Variants in ZSCAN22 observed in about 807,000 individuals in gnomAD.
ZSCAN22 encodes zinc finger and SCAN domain-containing protein 22.
A neutral mutation model predicts 12.4 loss-of-function variants in ZSCAN22; 7 were observed. The observed-to-expected ratio is 0.57, with a 90% CI of 0.32 to 1.06. The LOEUF is 1.06. ZSCAN22 is among the 50% of genes least tolerant of loss of function. The pLI, the probability that ZSCAN22 is intolerant of heterozygous loss-of-function variation, is 0.04. For missense variants in ZSCAN22, 576 were observed against 631.7 expected (o/e 0.91, Z 0.94); for synonymous variants, 243 against 255.9 (o/e 0.95, Z 0.48).
intron 1 of ZSCAN22, among the ~76,000 whole-genome samples, chr19:58,328,207 G>A (rs529435995): frequency 6.6e-6 from 1 of 152,198 alleles, no homozygotes; most frequent in African/African-American, 2.4e-5. Flanking sequence ...CTGTGTCTGG[G>A]TATTTTGAAG....
At chr19:58,336,096 A>G (rs1350406504) in intron 2 of ZSCAN22, among the ~76,000 whole-genome samples, 4 of 152,182 alleles carry the variant, frequency 2.6e-5, no homozygotes. Flanking sequence ...ATCAAGGCTC[A>G]GTAGATCCAA....
intron 1 of ZSCAN22, among the ~76,000 whole-genome samples, 158 bp downstream of exon 1, chr19:58,327,272 C>T (rs190926622): frequency 6.6e-6 from 1 of 152,178 alleles, no homozygotes; most frequent in South Asian, 2.1e-4. Flanking sequence ...AGACGGACTG[C>T]GAGTGCCGGA....
At position 58,335,872 on chromosome 19, in the gene ZSCAN22, A is replaced by G. The variant is rs977471726; in HGVS notation, c.403+667A>G. ...GCCCCAGGCTCAGCTGGGCACTGTT[A>G]CTCACAGAGACCCACACAAACATCC... On this transcript the variant is annotated intron_variant, in intron 2 of 2. Transcript: ENST00000329665. The surrounding 1 kb of genome is among the most constrained non-coding windows in gnomAD (Gnocchi z 4.1). 2.6e-5 allele frequency among the ~76,000 whole-genome samples: 4 copies of G among 152,130 alleles called. No homozygotes were observed. The highest frequency in any genetic ancestry group is 1.3e-4 in the Admixed American group (2 of 15,276).
Position 58,335,881 on chromosome 19 carries a change from G to A in ZSCAN22, c.403+676G>A, listed in dbSNP as rs1238936666. 6.6e-6 allele frequency among the ~76,000 whole-genome samples: 1 copy of A among 152,234 alleles called. No homozygotes were observed. Among genetic ancestry groups the A allele is most frequent in the Non-Finnish European group, 1.5e-5 (1 of 68,044 alleles). On this transcript the variant is annotated intron_variant, in intron 2 of 2. Coordinates refer to ENST00000329665, the MANE Select transcript of ZSCAN22 (RefSeq NM_181846.3). This position sits in a 1 kb window ranked among gnomAD's most constrained non-coding sequence, Gnocchi z 4.1. ...TCAGCTGGGCACTGTTACTCACAGA[G>A]ACCCACACAAACATCCCAACCCAGG...
chr19:58,332,507 T>C (rs2051739788), intron 1 of ZSCAN22, among the ~76,000 whole-genome samples: 1 of 151,666 alleles, frequency 6.6e-6, no homozygotes, highest in South Asian at 2.1e-4. Flanking sequence ...ACTCCTGACC[T>C]CAGGTGATCT....
Position 58,335,023 on chromosome 19 carries a change from G to T in ZSCAN22, c.221G>T (p.Cys74Phe). The T allele has an allele frequency of 1.2e-6, 2 of 1,614,094 alleles. No individual in the cohort carries two copies. The highest frequency in any genetic ancestry group is 1.7e-6 in the Non-Finnish European group (2 of 1,180,054). The part of the protein sequence containing the change: ...HEALAHLRAL[C>F]CQWLQPEAHS... The stretch of plus-strand genomic sequence containing the variant: ...GCCCTGGCCCACCTCCGAGCGCTGT[G>T]CTGTCAGTGGCTGCAGCCCGAGGCG... Residue 74 changes from cysteine to phenylalanine, a missense_variant, in exon 2 of 3, where the codon TGC becomes TTC. Coordinates refer to ENST00000329665, the MANE Select transcript of ZSCAN22 (RefSeq NM_181846.3). This position sits in a 1 kb window ranked among gnomAD's most constrained non-coding sequence, Gnocchi z 4.1.
chr19:58,330,787 G>A (rs2051714042), intron 1 of ZSCAN22, among the ~76,000 whole-genome samples: 1 of 152,186 alleles, frequency 6.6e-6, no homozygotes, highest in Non-Finnish European at 1.5e-5. Flanking sequence ...TATTCCTGTT[G>A]CACACTATAC....
At chr19:58,330,374 C>T (rs1385516944) in intron 1 of ZSCAN22, among the ~76,000 whole-genome samples, 1 of 152,210 alleles carries the variant, frequency 6.6e-6, no homozygotes, top group African/African-American at 2.4e-5. Flanking sequence ...GGGCTAGATT[C>T]TGAGAAGTAG....
chr19:58,334,646 A>T, intron 1 of ZSCAN22, 106 bp from the exon 2 acceptor site: 1 of 805,142 alleles, frequency 1.2e-6, no homozygotes, highest in Non-Finnish European at 1.9e-6. Flanking sequence ...TGTCTTTGTG[A>T]GAGTCTTTCA....
rs769449537 is a variant in ZSCAN22 at position 58,338,823 on chromosome 19, G to T, written c.973G>T (p.Glu325Ter). ...QVVHTGAKPHECKECGKAFSR... is the reference protein window; with the variant it reads ...QVVHTGAKPH ...TGTCCACACAGGGGCGAAGCCCCAT[G>T]AGTGTAAGGAATGTGGGAAGGCCTT... The change falls in exon 3 of 3, where the codon GAG becomes TAG. Residue 325 changes from glutamate (E) to a stop codon, truncating the protein, a stop_gained. Coordinates refer to ENST00000329665, the MANE Select transcript of ZSCAN22 (RefSeq NM_181846.3). LOFTEE classifies it low-confidence loss of function (END_TRUNC). The surrounding 1 kb of genome is among the most constrained non-coding windows in gnomAD (Gnocchi z 5.4). 3.1e-6 allele frequency: 5 copies of T among 1,613,970 alleles called. No individual in the cohort carries two copies. The highest frequency in any genetic ancestry group is 1.7e-5 in the Admixed American group (1 of 60,018).
intron 1 of ZSCAN22, among the ~76,000 whole-genome samples, chr19:58,327,378 G>A (rs955314132): frequency 2.0e-5 from 3 of 152,042 alleles, no homozygotes; most frequent in Admixed American, 2.0e-4. Context: ...CTCACGGACC[G>A]AATGTGGTGC....
Position 58,339,521 on chromosome 19 carries a change from T to A in ZSCAN22, c.*195T>A. ...GGAACCCTGATGAGCACAAGGTGAT[T>A]CAGGCCAGCTGGAGAAGCTTCCAGA... On this transcript the variant is annotated 3_prime_UTR_variant, in exon 3 of 3. Coordinates refer to ENST00000329665, the MANE Select transcript of ZSCAN22 (RefSeq NM_181846.3). This position sits in a 1 kb window ranked among gnomAD's most constrained non-coding sequence, Gnocchi z 5.6. The A allele has an allele frequency of 1.7e-6, 1 of 574,582 alleles. No homozygotes were observed. Among genetic ancestry groups the A allele is most frequent in the Non-Finnish European group, 3.0e-6 (1 of 328,808 alleles). 35.6% of individuals were successfully genotyped at this position (574,582 alleles called of 1,614,324 possible). A position where few individuals can be genotyped will look rare whatever the true frequency, so the allele number is the denominator to read the frequency against.
At position 58,340,860 on chromosome 19, in the gene ZSCAN22, CCT is replaced by C. The variant is rs2051866778; in HGVS notation, c.*1539_*1540del. 1 of 152,228 alleles carries C rather than the reference CCT, an allele frequency of 6.6e-6. No homozygotes were observed. 9.4% of individuals were successfully genotyped at this position (152,228 alleles called of 1,614,324 possible). A position where few individuals can be genotyped will look rare whatever the true frequency, so the allele number is the denominator to read the frequency against. On this transcript the variant is annotated 3_prime_UTR_variant, in exon 3 of 3. Transcript: ENST00000329665. ...TCTCCGGGAGCAGACTTCAGCTTGC[CCT>C]CTCTGCTTCCAGAGCACCTCCTAGA... is the stretch of plus-strand genomic sequence containing the variant.
rs775781447 is a variant in ZSCAN22 at position 58,335,231 on chromosome 19, A to G, written c.403+26A>G. ...GTAAAGGGGCGCCGTGGGCAGCTTC[A>G]CGGCACACCAGAGATACACCCTGGA... is the stretch of plus-strand genomic sequence containing the variant. On this transcript the variant is annotated intron_variant, in intron 2 of 2. Coordinates refer to ENST00000329665, the MANE Select transcript of ZSCAN22 (RefSeq NM_181846.3). The surrounding 1 kb of genome is among the most constrained non-coding windows in gnomAD (Gnocchi z 4.1). The G allele has an allele frequency of 1.0e-5, 16 of 1,527,886 alleles. No homozygotes were observed. Among genetic ancestry groups the G allele is most frequent in the Admixed American group, 2.1e-5 (1 of 48,274 alleles). The allele number at this position is 1,527,886 out of a possible 1,614,324, so 94.6% of individuals were successfully genotyped here.
Position 58,338,435 on chromosome 19 carries a change from A to C in ZSCAN22, c.585A>C (p.Thr195=). The C allele has an allele frequency of 6.2e-7, 1 of 1,614,174 alleles. No homozygotes were observed. Residue 195 remains threonine, a synonymous_variant, in exon 3 of 3, where the codon ACA becomes ACC. Coordinates refer to ENST00000329665, the MANE Select transcript of ZSCAN22 (RefSeq NM_181846.3). The surrounding 1 kb of genome is among the most constrained non-coding windows in gnomAD (Gnocchi z 5.4). The stretch of plus-strand genomic sequence containing the variant: ...CTGGACTATCAGGGGAGATCTGGAC[A>C]AAGTCTGTCACCCAACAGATCCACT... The part of the protein sequence containing the change: ...ERSGLSGEIW[T]KSVTQQIHFK...
At position 58,339,808 on chromosome 19, in the gene ZSCAN22, C is replaced by G. The variant is rs1316048200; in HGVS notation, c.*482C>G. On this transcript the variant is annotated 3_prime_UTR_variant, in exon 3 of 3. Coordinates refer to ENST00000329665, the MANE Select transcript of ZSCAN22 (RefSeq NM_181846.3). This position sits in a 1 kb window ranked among gnomAD's most constrained non-coding sequence, Gnocchi z 5.6. Reference sequence around the variant, plus strand: ...GCCTTGGCACCTACTATTTCCACTCCAGACTATTTTGTGCCTAACTGCAAG... The same window carrying G: ...GCCTTGGCACCTACTATTTCCACTCGAGACTATTTTGTGCCTAACTGCAAG... 1.3e-5 allele frequency: 2 copies of G among 156,982 alleles called. No homozygotes were observed. The highest frequency in any genetic ancestry group is 4.8e-5 in the African/African-American group (2 of 41,510). 9.7% of individuals were successfully genotyped at this position (156,982 alleles called of 1,614,324 possible).
rs1466173160 is a variant in ZSCAN22 at position 58,341,406 on chromosome 19, T to C, written c.*2080T>C. On this transcript the variant is annotated 3_prime_UTR_variant, in exon 3 of 3. Coordinates refer to ENST00000329665, the MANE Select transcript of ZSCAN22 (RefSeq NM_181846.3). ...TCTGTTCATTACTGTTAGTGTATCA[T>C]TCTTCATGCCTCTGTTTCTGTGATG... The C allele has an allele frequency of 6.6e-6, 1 of 152,138 alleles. No individual in the cohort carries two copies. Among genetic ancestry groups the C allele is most frequent in the Non-Finnish European group, 1.5e-5 (1 of 67,952 alleles). The allele number at this position is 152,138 out of a possible 1,614,324, so 9.4% of individuals were successfully genotyped here.
Position 58,334,761 on chromosome 19 carries a change from C to T in ZSCAN22, c.-42C>T. On this transcript the variant is annotated 5_prime_UTR_variant, in exon 2 of 3. Coordinates refer to ENST00000329665, the MANE Select transcript of ZSCAN22 (RefSeq NM_181846.3). ...TCTGACATTCCTGCAGGCCCAGTTC[C>T]AAGGCTCCGGCATCCTGTGTCTCAC... 1 of 1,532,174 alleles carries T rather than the reference C, an allele frequency of 6.5e-7. No individual in the cohort carries two copies. The highest frequency in any genetic ancestry group is 1.2e-5 in the South Asian group (1 of 80,166). 94.9% of individuals were successfully genotyped at this position (1,532,174 alleles called of 1,614,324 possible).
rs760907785 is a variant in ZSCAN22, at chr19:58,342,059, G to T, written c.*2733G>T. ...ATGCTCTGAGCATCTTCACCCATTT[G>T]GTCGTTGAGACATATCTGTCCATGT... On this transcript the variant is annotated 3_prime_UTR_variant, in exon 3 of 3. Transcript: ENST00000329665. The T allele has an allele frequency of 2.6e-5, 4 of 152,164 alleles. No homozygotes were observed. The highest frequency in any genetic ancestry group is 4.8e-5 in the African/African-American group (2 of 41,418). The allele number at this position is 152,164 out of a possible 1,614,324, so 9.4% of individuals were successfully genotyped here.
Sources: gnomAD v4.1 joint callset for allele counts (sites outside exome capture counted in the v4.1 genomes callset) on GRCh38, gnomAD v4.1.1 for gene constraint, Gnocchi (gnomAD v3.1) non-coding constraint, MANE v1.5 for transcripts, NCBI Gene and HGNC (gene_info 2026-07-23, HGNC 2026-07-21) for gene names.